Variants in INPP4B observed in about 807,000 individuals in gnomAD.
INPP4B encodes inositol polyphosphate-4-phosphatase type II B.
INPP4B carries 55 observed loss-of-function variants against 122.5 expected under a neutral mutation model. That is an observed-to-expected ratio of 0.45 (90% CI 0.36 to 0.56). The LOEUF is 0.56. Ranked by LOEUF, INPP4B falls within the 20% of genes least tolerant of loss-of-function variation. The pLI, the probability that INPP4B is intolerant of heterozygous loss-of-function variation, is 0.00. For missense variants in INPP4B, 1,000 were observed against 1,097.7 expected, an observed-to-expected ratio of 0.91 and a Z score of 1.26; for synonymous variants, 403 against 388.7, an observed-to-expected ratio of 1.04 and a Z score of -0.43.
chr4:142,166,139 A>G (rs10005363), intron 16 of INPP4B, among the ~76,000 whole-genome samples: 1,913 of 151,770 alleles, frequency 0.013, 48 homozygotes, highest in African/African-American at 0.043. Context: ...TATTTTATAA[A>G]TATTTTCTCC....
At chr4:142,329,748 T>C (rs1689867193) in intron 7 of INPP4B, among the ~76,000 whole-genome samples, 1 of 152,228 alleles carries the variant, frequency 6.6e-6, no homozygotes. Context: ...AGTGAGTATA[T>C]AAATTTCCTC....
intron 14 of INPP4B, among the ~76,000 whole-genome samples, chr4:142,204,520 C>T (rs1043765012): frequency 6.6e-6 from 1 of 151,826 alleles, no homozygotes; most frequent in African/African-American, 2.4e-5. Flanking sequence ...AATTTCCTTT[C>T]TAAATCCTGT....
At chr4:142,035,896 A>G (rs1743575160) in intron 25 of INPP4B, among the ~76,000 whole-genome samples, 1 of 152,008 alleles carries the variant, frequency 6.6e-6, no homozygotes, top group Non-Finnish European at 1.5e-5. Context: ...AGGTAGGGAG[A>G]GGGGCAGGAG....
chr4:142,630,239 G>A (rs781242524), intron 2 of INPP4B, among the ~76,000 whole-genome samples: 7 of 151,986 alleles, frequency 4.6e-5, no homozygotes, highest in Admixed American at 1.3e-4. Context: ...AGTTATTCCT[G>A]TTATAGTTCT....
At chr4:142,515,835 A>G (rs552843135) in intron 2 of INPP4B, among the ~76,000 whole-genome samples, 3 of 152,186 alleles carry the variant, frequency 2.0e-5, no homozygotes, top group African/African-American at 4.8e-5. Flanking sequence ...TAATATTATT[A>G]TGGATGTTTG....
intron 7 of INPP4B, among the ~76,000 whole-genome samples, chr4:142,390,725 T>C (rs1797392461): frequency 6.6e-6 from 1 of 152,210 alleles, no homozygotes; most frequent in African/African-American, 2.4e-5. Context: ...GAGTATATGG[T>C]ATCATAATTA....
chr4:142,230,643 C>CAAAAAAAAAA (rs11309327), intron 12 of INPP4B, among the ~76,000 whole-genome samples: 1 of 79,594 alleles, frequency 1.3e-5, no homozygotes, highest in Non-Finnish European at 2.5e-5. Context: ...AACTCCACCT[C>CAAAAAAAAAA]AAAAAAAAAA....
chr4:142,424,144 G>T (rs1807536868), intron 5 of INPP4B, among the ~76,000 whole-genome samples: 2 of 151,772 alleles, frequency 1.3e-5, no homozygotes, highest in Admixed American at 6.6e-5. Flanking sequence ...ATTGGCTTTA[G>T]TCAGTCTTCC....
chr4:142,423,913 A>C (rs528366803), intron 5 of INPP4B: 3 of 352,140 alleles, frequency 8.5e-6, no homozygotes, highest in Non-Finnish European at 1.6e-5. Flanking sequence ...TTTGAGGAGA[A>C]TACTGTTTTC....
chr4:142,268,561 C>T (rs1266847007), intron 10 of INPP4B, among the ~76,000 whole-genome samples: 2 of 151,800 alleles, frequency 1.3e-5, no homozygotes, highest in Non-Finnish European at 1.5e-5. Context: ...CACTCATGTT[C>T]ACTGCAACAT....
At chr4:142,271,610 C>A (rs1247230968) in intron 9 of INPP4B, among the ~76,000 whole-genome samples, 1 of 152,140 alleles carries the variant, frequency 6.6e-6, no homozygotes. Context: ...TCTCTCCTAG[C>A]AAACATAAGA....
chr4:142,258,441 C>T (rs1446595635), intron 11 of INPP4B, among the ~76,000 whole-genome samples: 4 of 151,990 alleles, frequency 2.6e-5, no homozygotes, highest in African/African-American at 9.7e-5. Flanking sequence ...AGAAAATTTT[C>T]GCAACCTACT....
intron 14 of INPP4B, among the ~76,000 whole-genome samples, chr4:142,199,224 A>C: frequency 6.6e-6 from 1 of 152,036 alleles, no homozygotes; most frequent in South Asian, 2.1e-4. Context: ...ATAAATATTT[A>C]GATGCTCAAT....
chr4:142,125,646 C>T (rs1280010217), intron 18 of INPP4B, among the ~76,000 whole-genome samples: 1 of 152,022 alleles, frequency 6.6e-6, no homozygotes, highest in African/African-American at 2.4e-5. Context: ...TTCTCTTCTC[C>T]AGGAAGTCTT....
At chr4:142,084,776 A>C (rs192758906) in intron 24 of INPP4B, among the ~76,000 whole-genome samples, 9 of 152,160 alleles carry the variant, frequency 5.9e-5, no homozygotes, top group Non-Finnish European at 8.8e-5. Flanking sequence ...ATATACTAAA[A>C]TACACATTTG....
chr4:142,747,343 A>G (rs912719132), intron 1 of INPP4B, among the ~76,000 whole-genome samples: 2 of 152,164 alleles, frequency 1.3e-5, no homozygotes, highest in African/African-American at 2.4e-5. Flanking sequence ...ACCAGTTAGA[A>G]TGGCGATCAT....
chr4:142,607,031 T>A (rs7698691), intron 2 of INPP4B, among the ~76,000 whole-genome samples: 99,403 of 151,636 alleles, frequency 0.66, 33,838 homozygotes, highest in East Asian at 0.81. Context: ...GTCAATATGA[T>A]TATTAACTTA....
At chr4:142,481,874 C>T (rs1820593661) in intron 2 of INPP4B, among the ~76,000 whole-genome samples, 1 of 152,152 alleles carries the variant, frequency 6.6e-6, no homozygotes, top group Non-Finnish European at 1.5e-5. Flanking sequence ...TAATAAGGAA[C>T]TGGACTTCTA....
intron 15 of INPP4B, among the ~76,000 whole-genome samples, chr4:142,181,933 T>A (rs1830966413): frequency 6.6e-6 from 1 of 152,220 alleles, no homozygotes. Flanking sequence ...TAATTTATTT[T>A]AAAAATTATA....
Sources: gnomAD v4.1 joint callset for allele counts (sites outside exome capture counted in the v4.1 genomes callset) on GRCh38, gnomAD v4.1.1 for gene constraint, MANE v1.5 for transcripts, NCBI Gene and HGNC (gene_info 2026-07-23, HGNC 2026-07-21) for gene names.